The following ADAMTSL1 variants were observed in gnomAD, a reference collection of about 807,000 sequenced individuals.
ADAMTSL1 encodes the protein ADAMTS-like protein 1.
Under a neutral mutation model 201.8 loss-of-function variants are expected in ADAMTSL1, and 126 were observed. The ratio of observed to expected loss-of-function variants is 0.62; its 90% CI spans 0.54 to 0.72. The LOEUF is 0.72. Ranked by LOEUF, ADAMTSL1 falls within the 30% of genes least tolerant of loss-of-function variation. ADAMTSL1 has a pLI of 0.00. For synonymous variants in ADAMTSL1, 1,121 were observed against 903.4 expected (o/e 1.24, Z -4.32); for missense variants, 2,679 against 2,277.8 (o/e 1.18, Z -3.59).
chr9:18,357,431 C>G (rs1836302278), intron 2 of ADAMTSL1, among the ~76,000 whole-genome samples: 1 of 152,140 alleles, frequency 6.6e-6, no homozygotes, highest in Non-Finnish European at 1.5e-5. Context: ...TTGAATTCCT[C>G]TGTGGCATAG....
At chr9:18,114,882 T>C (rs1160520514) in intron 1 of ADAMTSL1, among the ~76,000 whole-genome samples, 1 of 152,146 alleles carries the variant, frequency 6.6e-6, no homozygotes, top group Non-Finnish European at 1.5e-5. Context: ...GTGGAGACAA[T>C]TCTTTCTTTG....
intron 3 of ADAMTSL1, among the ~76,000 whole-genome samples, chr9:18,543,375 C>A (rs573753720): frequency 8.6e-5 from 13 of 151,570 alleles, no homozygotes; most frequent in African/African-American, 2.9e-4. Flanking sequence ...AATTAGATAA[C>A]AAAGGGAAAC....
chr9:18,544,387 TA>T (rs1820349527), intron 3 of ADAMTSL1, among the ~76,000 whole-genome samples: 2 of 152,140 alleles, frequency 1.3e-5, no homozygotes, highest in South Asian at 2.1e-4. Flanking sequence ...GGTGATATAA[TA>T]AAAAACTCCA....
chr9:18,187,297 A>C (rs762540594), intron 2 of ADAMTSL1, among the ~76,000 whole-genome samples: 39 of 152,088 alleles, frequency 2.6e-4, no homozygotes, highest in Non-Finnish European at 4.0e-4. Context: ...TTGTTCCTGG[A>C]GCCCTGAAGC....
At position 18,312,732 on chromosome 9, in the gene ADAMTSL1, G is replaced by C. The variant is rs532213037; in HGVS notation, c.207+148751G>C. 1.1e-4 allele frequency among the ~76,000 whole-genome samples: 17 copies of C among 152,224 alleles called. No homozygotes were observed. In the South Asian group the frequency reaches 3.3e-3, roughly 30 times the overall value. On this transcript the variant is annotated intron_variant, in intron 2 of 29. Transcript: ENST00000680146. Reference sequence around the variant, plus strand: ...TTGATTCCTGTCTGCCCCCACCCCAGCCTCTCTGACTGTCTTAAGGTCTTT... The same window carrying C: ...TTGATTCCTGTCTGCCCCCACCCCACCCTCTCTGACTGTCTTAAGGTCTTT...
At chr9:18,640,354 C>A (rs1490553396) in intron 7 of ADAMTSL1, among the ~76,000 whole-genome samples, 1 of 152,072 alleles carries the variant, frequency 6.6e-6, no homozygotes, top group Non-Finnish European at 1.5e-5. Context: ...TTCTGTTAAG[C>A]AAGAAAATCC....
At chr9:18,595,363 G>A (rs1006338582) in intron 4 of ADAMTSL1, among the ~76,000 whole-genome samples, 10 of 152,196 alleles carry the variant, frequency 6.6e-5, no homozygotes, top group Admixed American at 5.2e-4. Flanking sequence ...TCCCTGCACA[G>A]ACGGGAGAGT....
intron 4 of ADAMTSL1, among the ~76,000 whole-genome samples, chr9:18,578,388 A>G (rs1036130250): frequency 3.9e-5 from 6 of 152,120 alleles, no homozygotes; most frequent in African/African-American, 1.2e-4. Flanking sequence ...TGCATCTCAG[A>G]CTGAGAAACA....
At chr9:18,790,612 C>T (rs1416757869) in intron 19 of ADAMTSL1, among the ~76,000 whole-genome samples, 1 of 152,078 alleles carries the variant, frequency 6.6e-6, no homozygotes, top group South Asian at 2.1e-4. Flanking sequence ...TGGTCCATAT[C>T]TTATTCTCAT....
Position 18,710,663 on chromosome 9 carries a change from TTTGTTTTG to T in ADAMTSL1, c.1876+3618_1876+3625del, listed in dbSNP as rs1399578552. Among the ~76,000 whole-genome samples, 6 of 113,674 alleles carry T rather than the reference TTTGTTTTG, an allele frequency of 5.3e-5. No homozygotes were observed. In the East Asian group the frequency reaches 1.1e-3, roughly 21 times the overall value. The allele number at this position is 113,674 out of a possible 152,430, so 74.6% of individuals were successfully genotyped here. On this transcript the variant is annotated intron_variant, in intron 14 of 28. Coordinates refer to ENST00000380548, the MANE Select transcript of ADAMTSL1 (RefSeq NM_001040272.6). The stretch of plus-strand genomic sequence containing the variant: ...CTTGCAGTCTTAGAAGGGCCTAAGT[TTTGTTTTG>T]TTTTTTTTTTTTTTTTTTTACAAAA...
intron 15 of ADAMTSL1, among the ~76,000 whole-genome samples, chr9:18,724,690 A>C (rs1381736177): frequency 6.6e-6 from 1 of 152,142 alleles, no homozygotes; most frequent in Non-Finnish European, 1.5e-5. Context: ...GATGATTATT[A>C]AGTGTTTATT....
At chr9:17,950,167 A>G (rs1290055781) in intron 1 of ADAMTSL1, among the ~76,000 whole-genome samples, 1 of 152,246 alleles carries the variant, frequency 6.6e-6, no homozygotes, top group African/African-American at 2.4e-5. Context: ...TCGGCCTCCT[A>G]AAGTGTAGGG....
intron 1 of ADAMTSL1, among the ~76,000 whole-genome samples, chr9:18,118,227 T>C (rs961048479): frequency 1.3e-5 from 2 of 152,232 alleles, no homozygotes; most frequent in African/African-American, 4.8e-5. Context: ...ACAACAATTC[T>C]GGTTCACTCA....
At chr9:18,632,204 A>C (rs1826829713) in intron 5 of ADAMTSL1, among the ~76,000 whole-genome samples, 1 of 152,214 alleles carries the variant, frequency 6.6e-6, no homozygotes, top group African/African-American at 2.4e-5. Context: ...TGCCAAGTAG[A>C]AGCATCTTCC....
chr9:18,661,967 C>G lies in ADAMTSL1; in HGVS notation c.979C>G (p.Leu327Val). 6.2e-7 allele frequency: 1 copy of G among 1,613,950 alleles called. No individual in the cohort carries two copies. The highest frequency in any genetic ancestry group is 8.5e-7 in the Non-Finnish European group (1 of 1,179,890). The change falls in exon 9 of 29, where the codon CTG (leucine) becomes GTG (valine). Residue 327 changes from leucine to valine, a missense_variant. By Grantham distance (32) the Leu-to-Val change is conservative (BLOSUM62 1). Coordinates refer to ENST00000380548, the MANE Select transcript of ADAMTSL1 (RefSeq NM_001040272.6). ...GCTGACATCGGCTGAGTGCTACGAT[C>G]TGAGGAGCAACCGTGTGGTTGCTGA... ...YQLTSAECYD[L>V]RSNRVVADQY...
chr9:18,271,239 T>C (rs1390271424), intron 2 of ADAMTSL1, among the ~76,000 whole-genome samples: 1 of 152,162 alleles, frequency 6.6e-6, no homozygotes, highest in African/African-American at 2.4e-5. Flanking sequence ...CGTGAAGGTT[T>C]GTTACATATG....
chr9:18,862,344 T>C (rs1474997854), intron 23 of ADAMTSL1, among the ~76,000 whole-genome samples: 2 of 152,140 alleles, frequency 1.3e-5, no homozygotes, highest in Admixed American at 1.3e-4. Context: ...GCTGCTGGCT[T>C]TTGTTTTTCC....
At chr9:18,812,592 G>T (rs892990577) in intron 20 of ADAMTSL1, among the ~76,000 whole-genome samples, 2 of 152,036 alleles carry the variant, frequency 1.3e-5, no homozygotes, top group African/African-American at 4.8e-5. Flanking sequence ...TATGTTTTTG[G>T]GATCTTATCT....
rs940830689 is a variant in ADAMTSL1, at chr9:18,624,281, A to C, written c.601+1912A>C. Among the ~76,000 whole-genome samples the C allele has an allele frequency of 1.3e-3, 202 of 152,356 alleles. 1 individual carries two copies. Among genetic ancestry groups the C allele is most frequent in the African/African-American group, 4.3e-3 (177 of 41,590 alleles). On this transcript the variant is annotated intron_variant, in intron 5 of 28. Transcript: ENST00000380548. ...ATTCAGGTGAGATTTTTCTTTGGTC[A>C]TGTGGGTTGGTAGCTTCTTCCATAA...
Sources: gnomAD v4.1 joint callset for allele counts (sites outside exome capture counted in the v4.1 genomes callset) on GRCh38, gnomAD v4.1.1 for gene constraint, MANE v1.5 for transcripts, NCBI Gene and HGNC (gene_info 2026-07-23, HGNC 2026-07-21) for gene names.